COP1: variants seen among roughly 807,000 people sequenced by gnomAD.
The protein encoded by COP1 is E3 ubiquitin-protein ligase COP1.
COP1 carries 24 observed loss-of-function variants against 101.3 expected under a neutral mutation model. That is an observed-to-expected ratio of 0.24 (90% CI 0.17 to 0.33). The LOEUF is 0.33. Among genes scored for constraint, COP1 ranks in the 10% least tolerant of loss-of-function variants. The pLI is 1.00. For missense variants in COP1, 663 were observed against 906.2 expected (o/e 0.73, Z 3.45); for synonymous variants, 347 against 341.9 (o/e 1.01, Z -0.17).
intron 8 of COP1, among the ~76,000 whole-genome samples, chr1:176,126,372 T>C (rs538378154): frequency 1.4e-4 from 21 of 152,368 alleles, no homozygotes; most frequent in Admixed American, 7.2e-4. Flanking sequence ...TGGCTTTTAT[T>C]ATGTTGAAGT....
intron 2 of COP1, among the ~76,000 whole-genome samples, chr1:176,176,911 A>T (rs965379695): frequency 3.3e-5 from 5 of 152,210 alleles, no homozygotes; most frequent in Non-Finnish European, 7.3e-5. Flanking sequence ...TAACCAGCAC[A>T]ACTTTCCTAG....
chr1:176,086,419 G>A (rs1057147488), intron 9 of COP1, among the ~76,000 whole-genome samples: 2 of 151,606 alleles, frequency 1.3e-5, no homozygotes, highest in African/African-American at 4.8e-5. Flanking sequence ...GTAGAGACAG[G>A]GTTTCACCGT....
At chr1:176,158,368 G>T (rs1035335142) in intron 5 of COP1, among the ~76,000 whole-genome samples, 1 of 152,096 alleles carries the variant, frequency 6.6e-6, no homozygotes, top group Admixed American at 6.5e-5. Flanking sequence ...GCCTCTCGCC[G>T]TCCTGCACTA....
chr1:176,081,102 A>C, intron 11 of COP1, 50 bp downstream of exon 11: 1 of 1,455,918 alleles, frequency 6.9e-7, no homozygotes, highest in African/African-American at 1.4e-5. Flanking sequence ...AAATTCAATT[A>C]GATTCTAGAC....
chr1:176,136,331 T>G (rs1404403773), intron 7 of COP1, among the ~76,000 whole-genome samples, 157 bp downstream of exon 7: 1 of 152,046 alleles, frequency 6.6e-6, no homozygotes, highest in Non-Finnish European at 1.5e-5. Flanking sequence ...GAATGTTTTT[T>G]TCTACAAAAA....
chr1:176,121,713 C>A (rs186239690), intron 8 of COP1, among the ~76,000 whole-genome samples: 18 of 152,254 alleles, frequency 1.2e-4, no homozygotes, highest in African/African-American at 4.3e-4. Context: ...ATGAAATCTT[C>A]TCTCATTGCC....
intron 8 of COP1, among the ~76,000 whole-genome samples, chr1:176,123,730 A>G (rs1171403694): frequency 6.6e-6 from 1 of 152,134 alleles, no homozygotes. Flanking sequence ...CTTTACCCCC[A>G]CCCTGCACAA....
chr1:175,965,738 G>A lies in COP1; in HGVS notation c.2134-18499C>T, dbSNP rs142893950. On this transcript the variant is annotated intron_variant, in intron 18 of 19. Transcript: ENST00000367669. Reference sequence around the variant, plus strand: ...TGAGTAGCTGGGATTACATGTGCGTGCCACCAAACCCAGCTAATTTTTGTA... The same window carrying A: ...TGAGTAGCTGGGATTACATGTGCGTACCACCAAACCCAGCTAATTTTTGTA... Among the ~76,000 whole-genome samples the A allele has an allele frequency of 2.6e-3, 398 of 152,114 alleles. 3 individuals carry two copies. Among genetic ancestry groups the A allele is most frequent in the African/African-American group, 9.2e-3 (380 of 41,478 alleles).
intron 11 of COP1, among the ~76,000 whole-genome samples, chr1:176,066,114 CAGTTTCCCCAT>C (rs1163534366): frequency 6.6e-6 from 1 of 152,168 alleles, no homozygotes; most frequent in African/African-American, 2.4e-5. Flanking sequence ...TATCTACCAT[CAGTTTCCCCAT>C]ATATGTGTTG....
chr1:176,188,077 C>G (rs2102087567), intron 1 of COP1, among the ~76,000 whole-genome samples: 1 of 152,170 alleles, frequency 6.6e-6, no homozygotes, highest in Admixed American at 6.5e-5. Flanking sequence ...TAGCCCTCAC[C>G]AGACATAAAA....
chr1:175,998,911 G>C (rs756566680), intron 15 of COP1, among the ~76,000 whole-genome samples: 3 of 152,068 alleles, frequency 2.0e-5, no homozygotes, highest in Non-Finnish European at 4.4e-5. Flanking sequence ...TGATTTATCA[G>C]ATTACATGGC....
intron 5 of COP1, among the ~76,000 whole-genome samples, chr1:176,159,607 T>G (rs1331802975): frequency 1.3e-5 from 2 of 152,170 alleles, no homozygotes; most frequent in Non-Finnish European, 2.9e-5. Context: ...CTGAAACAGA[T>G]TACTATAAGA....
At chr1:176,149,924 T>G (rs1692154971) in intron 5 of COP1, among the ~76,000 whole-genome samples, 1 of 152,098 alleles carries the variant, frequency 6.6e-6, no homozygotes. Context: ...AAAAGCCCAG[T>G]GGAGCAATTC....
In COP1 at chr1:175,969,282, G is replaced by A. The variant is rs530317134; in HGVS notation, c.2133+17661C>T. Reference sequence around the variant, plus strand: ...CACAGTAGAGCATTGTTAGGGACCAGAACACACTACCTCCAAATAGTCACC... The same window carrying A: ...CACAGTAGAGCATTGTTAGGGACCAAAACACACTACCTCCAAATAGTCACC... On this transcript the variant is annotated intron_variant, in intron 18 of 19. Coordinates refer to ENST00000367669, the MANE Select transcript of COP1 (RefSeq NM_022457.7). Among the ~76,000 whole-genome samples, 7 of 152,256 alleles carry A rather than the reference G, an allele frequency of 4.6e-5. No individual in the cohort carries two copies. In the East Asian group the frequency reaches 1.4e-3, roughly 29 times the overall value.
At chr1:175,951,462 A>ATATATATATATATATATATATATAT (rs1491471530) in intron 18 of COP1, among the ~76,000 whole-genome samples, 25 of 49,506 alleles carry the variant, frequency 5.0e-4, no homozygotes, top group East Asian at 8.5e-4. Flanking sequence ...ATATATATAT[A>ATATATATATATATATATATATATAT]AAAACTTCCA....
chr1:176,202,254 A>G (rs1435550443), intron 1 of COP1, among the ~76,000 whole-genome samples: 1 of 135,360 alleles, frequency 7.4e-6, no homozygotes, highest in Non-Finnish European at 1.5e-5. Context: ...CAGTGGTGTG[A>G]TCATAGCTCC....
intron 18 of COP1, among the ~76,000 whole-genome samples, chr1:175,985,326 G>A (rs1656844850): frequency 6.6e-6 from 1 of 151,918 alleles, no homozygotes; most frequent in Admixed American, 6.6e-5. Flanking sequence ...TTGTGCCCTA[G>A]TTATTGTAGT....
intron 5 of COP1, among the ~76,000 whole-genome samples, chr1:176,151,402 A>AAAGG: frequency 7.4e-6 from 1 of 135,948 alleles, no homozygotes; most frequent in African/African-American, 2.5e-5. Context: ...AGAAAGAAAG[A>AAAGG]AAGAAAGAAA....
At chr1:176,110,188 A>G (rs1033499162) in intron 9 of COP1, among the ~76,000 whole-genome samples, 6 of 152,350 alleles carry the variant, frequency 3.9e-5, no homozygotes, top group Admixed American at 3.9e-4. Flanking sequence ...CAAGGATTAC[A>G]ATAAATAACA....
Sources: allele counts gnomAD v4.1 joint callset (sites outside exome capture counted in the v4.1 genomes callset), GRCh38; gene constraint gnomAD v4.1.1; transcripts MANE v1.5; gene names NCBI Gene and HGNC (gene_info 2026-07-23, HGNC 2026-07-21).